Variants in MS4A12 observed in about 807,000 individuals in gnomAD.
MS4A12 encodes the protein membrane-spanning 4-domains subfamily A member 12.
In MS4A12, 28 loss-of-function variants were observed where a neutral mutation model predicts 23.7. The observed-to-expected ratio is 1.18, with a 90% CI of 0.88 to 1.62. The LOEUF (loss-of-function observed/expected upper bound fraction) is 1.62, where lower values mean the gene tolerates loss of function less well. Ranked by LOEUF, MS4A12 falls within the 40% of genes most tolerant of loss-of-function variation. MS4A12 has a pLI of 0.00. For synonymous variants in MS4A12, 108 were observed against 110.1 expected, an observed-to-expected ratio of 0.98 and a Z score of 0.12; for missense variants, 342 against 327.0, an observed-to-expected ratio of 1.05 and a Z score of -0.35.
At chr11:60,499,558 T>A (rs1182639443) in intron 2 of MS4A12, among the ~76,000 whole-genome samples, 1 of 152,220 alleles carries the variant, frequency 6.6e-6, no homozygotes, top group Non-Finnish European at 1.5e-5. Context: ...AGCAAAAGTA[T>A]GGTATGTGTG....
At chr11:60,500,249 A>C (rs941108792) in intron 2 of MS4A12, among the ~76,000 whole-genome samples, 1 of 149,476 alleles carries the variant, frequency 6.7e-6, no homozygotes, top group Non-Finnish European at 1.5e-5. Context: ...TCAAAAAAAA[A>C]CCAAAAAAAA....
chr11:60,507,355 T>C lies in MS4A12; in HGVS notation c.*231T>C, dbSNP rs2086579019. 1 of 491,288 alleles carries C rather than the reference T, an allele frequency of 2.0e-6. No individual in the cohort carries two copies. Among genetic ancestry groups the C allele is most frequent in the Non-Finnish European group, 3.6e-6 (1 of 277,458 alleles). The allele number at this position is 491,288 out of a possible 1,614,324, so 30.4% of individuals were successfully genotyped here. On this transcript the variant is annotated 3_prime_UTR_variant, in exon 7 of 7. Transcript: ENST00000016913. Reference sequence around the variant, plus strand: ...AAGGATCAGAGGACTGAAAAATGATTCTGCAACTCTCTTAAAGTTAGAAAT... The same window carrying C: ...AAGGATCAGAGGACTGAAAAATGATCCTGCAACTCTCTTAAAGTTAGAAAT...
chr11:60,500,121 G>A (rs1316562610), intron 2 of MS4A12, among the ~76,000 whole-genome samples: 1 of 151,918 alleles, frequency 6.6e-6, no homozygotes, highest in Non-Finnish European at 1.5e-5. Context: ...GGAGCCTGTA[G>A]TCCTAGCTAC....
intron 2 of MS4A12, among the ~76,000 whole-genome samples, chr11:60,500,251 C>CAAA (rs1233888569): frequency 6.0e-5 from 6 of 100,606 alleles, no homozygotes; most frequent in Admixed American, 1.0e-4. Context: ...AAAAAAAAAC[C>CAAA]AAAAAAAAAC....
Position 60,499,429 on chromosome 11 carries a change from G to C in MS4A12, c.277-1616G>C, listed in dbSNP as rs767053158. 5.3e-5 allele frequency among the ~76,000 whole-genome samples: 8 copies of C among 152,218 alleles called. 1 individual carries two copies. ...GCAAGGATGAGAATGGGAAGTTTGT[G>C]ACCAGACGGCTGAATTGCTGCTCTA... On this transcript the variant is annotated intron_variant, in intron 2 of 6. Transcript: ENST00000016913.
At chr11:60,496,688 T>C (rs2086489741) in intron 1 of MS4A12, among the ~76,000 whole-genome samples, 1 of 152,204 alleles carries the variant, frequency 6.6e-6, no homozygotes, top group South Asian at 2.1e-4. Flanking sequence ...TAAAACAATA[T>C]AATTTTTTTA....
At chr11:60,501,908 A>G (rs1288560982) in intron 3 of MS4A12, 75 bp from the exon 4 acceptor site, 109 of 1,366,362 alleles carry the variant, frequency 8.0e-5, no homozygotes, top group Middle Eastern at 1.8e-4. Context: ...AAATAGACCA[A>G]CCTTTCATAT....
chr11:60,497,821 G>C, intron 2 of MS4A12: 3 of 502,804 alleles, frequency 6.0e-6, no homozygotes, highest in Non-Finnish European at 1.0e-5. Flanking sequence ...TGGAGAATTT[G>C]GTAATATTGA....
Position 60,507,011 on chromosome 11 carries a change from T to G in MS4A12, c.700-9T>G, listed in dbSNP as rs780915832. 2 of 1,605,892 alleles carry G rather than the reference T, an allele frequency of 1.2e-6. No homozygotes were observed. Among genetic ancestry groups the G allele is most frequent in the Admixed American group, 1.7e-5 (1 of 60,018 alleles). ...AACCATATTGCTTGTTTTTATTCATTCTTTCCAGTCTGTCCTGGTTATTCC... is the reference window on the plus strand; with the variant it reads ...AACCATATTGCTTGTTTTTATTCATGCTTTCCAGTCTGTCCTGGTTATTCC... On this transcript the variant is annotated splice_polypyrimidine_tract_variant and intron_variant, in intron 6 of 6. Coordinates refer to ENST00000016913, the MANE Select transcript of MS4A12 (RefSeq NM_017716.3).
rs767864042 is a variant in MS4A12, at chr11:60,497,302, G to T, written c.-6-11G>T. ...TAAACGTATCACTTTTGTATGTTTT[G>T]TGATACTTAGGACATAATGATGTCA... On this transcript the variant is annotated splice_polypyrimidine_tract_variant and intron_variant, in intron 1 of 6. Transcript: ENST00000016913. 5 of 1,588,354 alleles carry T rather than the reference G, an allele frequency of 3.1e-6. No individual in the cohort carries two copies. In the South Asian group the frequency reaches 3.5e-5, roughly 11 times the overall value.
At position 60,503,810 on chromosome 11, in the gene MS4A12, G is replaced by A. The variant is rs755297132; in HGVS notation, c.581G>A (p.Trp194Ter). The A allele has an allele frequency of 6.2e-7, 1 of 1,612,720 alleles. No individual in the cohort carries two copies. Among genetic ancestry groups the A allele is most frequent in the East Asian group, 2.2e-5 (1 of 44,852 alleles). ...AATGGGGTAGCTGGCCAAGACTACT[G>A]GGCCGTGGTAAGTATCCCATACTCC... is the stretch of plus-strand genomic sequence containing the variant. ...CINGVAGQDY[W>*]AVLSGKGISA... Residue 194 changes from tryptophan to a stop codon, truncating the protein, a stop_gained, in exon 5 of 7, where the codon TGG (tryptophan) becomes TAG (stop). Coordinates refer to ENST00000016913, the MANE Select transcript of MS4A12 (RefSeq NM_017716.3). LOFTEE classifies it high-confidence loss of function.
chr11:60,505,392 G>C (rs1039292623), intron 5 of MS4A12, among the ~76,000 whole-genome samples: 1 of 151,988 alleles, frequency 6.6e-6, no homozygotes, highest in Non-Finnish European at 1.5e-5. Flanking sequence ...ATGAGATTTG[G>C]GTGGGGACAC....
chr11:60,503,225 T>C (rs750085598), intron 4 of MS4A12, among the ~76,000 whole-genome samples: 29 of 152,126 alleles, frequency 1.9e-4, no homozygotes, highest in Non-Finnish European at 3.7e-4. Context: ...AGACTTAGGG[T>C]TTTCATTAAT....
chr11:60,501,889 G>A (rs540611151), intron 3 of MS4A12, 94 bp from the exon 4 acceptor site: 13 of 1,152,514 alleles, frequency 1.1e-5, no homozygotes, highest in Admixed American at 2.1e-5. Context: ...AAGGAAACTA[G>A]ATGAACATAA....
At position 60,497,474 on chromosome 11, in the gene MS4A12, C is replaced by A. The variant is rs2298552; in HGVS notation, c.156C>A (p.Tyr52Ter). The A allele has an allele frequency of 5.0e-6, 8 of 1,613,886 alleles. No individual in the cohort carries two copies. The South Asian group carries it at 8.8e-5, about 18-fold the overall frequency. Reference protein sequence around the residue: ...QAQGAQRAQPYGITSPGIFAS... With the variant: ...QAQGAQRAQP ...AGGGTGCTCAGCGTGCTCAGCCCTA[C>A]GGCATCACATCTCCGGGAATCTTTG... Residue 52 changes from tyrosine to a stop codon, truncating the protein, a stop_gained, in exon 2 of 7, where the codon TAC becomes TAA. Transcript: ENST00000016913. LOFTEE classifies it high-confidence loss of function.
At chr11:60,506,965 G>T (rs1440593435) in intron 6 of MS4A12, 55 bp from the exon 7 acceptor site, 9 of 1,545,546 alleles carry the variant, frequency 5.8e-6, no homozygotes, top group Non-Finnish European at 8.0e-6. Flanking sequence ...GGTACCAGGG[G>T]AAATTGCATA....
intron 5 of MS4A12, among the ~76,000 whole-genome samples, chr11:60,505,470 C>G (rs969935656): frequency 6.6e-6 from 1 of 151,700 alleles, no homozygotes; most frequent in African/African-American, 2.4e-5. Flanking sequence ...CAGAGTGAAG[C>G]AAGAACAAAA....
intron 2 of MS4A12, 82 bp downstream of exon 2, chr11:60,497,676 T>C (rs1244483648): frequency 7.0e-7 from 1 of 1,434,782 alleles, no homozygotes; most frequent in Non-Finnish European, 9.6e-7. Flanking sequence ...ATCCAATTGC[T>C]AAAAAGTTCT....
At chr11:60,499,688 C>T (rs1488652450) in intron 2 of MS4A12, among the ~76,000 whole-genome samples, 1 of 152,104 alleles carries the variant, frequency 6.6e-6, no homozygotes, top group Non-Finnish European at 1.5e-5. Flanking sequence ...ATTCGATTTA[C>T]TTGTGTTCAG....
Sources: allele counts gnomAD v4.1 joint callset (sites outside exome capture counted in the v4.1 genomes callset), GRCh38; gene constraint gnomAD v4.1.1; transcripts MANE v1.5; gene names NCBI Gene and HGNC (gene_info 2026-07-23, HGNC 2026-07-21).